The following CELSR1 variants were observed in gnomAD, a reference collection of about 807,000 sequenced individuals.
The protein encoded by CELSR1 is cadherin EGF LAG seven-pass G-type receptor 1.
Under a neutral mutation model 249.1 loss-of-function variants are expected in CELSR1, and 110 were observed. That is an observed-to-expected ratio of 0.44 (90% CI 0.38 to 0.52). The LOEUF (loss-of-function observed/expected upper bound fraction) is 0.52. CELSR1 is among the 20% of genes least tolerant of loss of function. CELSR1 has a pLI of 0.00. For synonymous variants in CELSR1, 2,113 were observed against 1,900.0 expected, an observed-to-expected ratio of 1.11 and a Z score of -2.92; for missense variants, 4,109 against 4,296.4, an observed-to-expected ratio of 0.96 and a Z score of 1.22.
chr22:46,364,388 C>T, intron 33 of CELSR1, 124 bp downstream of exon 33: 2 of 1,488,954 alleles, frequency 1.3e-6, no homozygotes, highest in Non-Finnish European at 1.8e-6. Flanking sequence ...GCCAGGAGGC[C>T]ACGTCTGTTC....
intron 32 of CELSR1, 67 bp downstream of exon 32, chr22:46,365,164 T>C (rs902450377): frequency 2.6e-6 from 4 of 1,545,270 alleles, no homozygotes; most frequent in Non-Finnish European, 3.5e-6. Flanking sequence ...GACCCAGCCA[T>C]AGCCAAGGCC....
Position 46,396,743 on chromosome 22 carries a change from T to C in CELSR1, c.5705A>G (p.Tyr1902Cys), listed in dbSNP as rs762806468. Residue 1902 changes from tyrosine (Y) to cysteine (C), a missense_variant, in exon 13 of 35, where the codon TAC (tyrosine) becomes TGC (cysteine). Physicochemically the swap from Tyr to Cys is radical, Grantham distance 194. Transcript: ENST00000674500. The surrounding 1 kb of genome is among the most constrained non-coding windows in gnomAD (Gnocchi z 6.4). Reference sequence around the variant, plus strand: ...GGCATCCACACAGTTTATTCCAAGGTACCCTGCAAGGACAGAGCCAGCATT... The same window carrying C: ...GGCATCCACACAGTTTATTCCAAGGCACCCTGCAAGGACAGAGCCAGCATT... Reference protein sequence around the residue: ...EDYSCVCDKGYLGINCVDACH... With the variant: ...EDYSCVCDKGCLGINCVDACH... The C allele has an allele frequency of 6.2e-7, 1 of 1,612,110 alleles. No homozygotes were observed. The highest frequency in any genetic ancestry group is 8.5e-7 in the Non-Finnish European group (1 of 1,179,170).
In CELSR1 at chr22:46,441,130, G is replaced by C. The variant is rs1308377338; in HGVS notation, c.4184-1719C>G. ...GTCACACTACCGCACTCCAGCCTAG[G>C]TGCCAGAGCGAGACTTCATTTCAAA... On this transcript the variant is annotated intron_variant, in intron 2 of 34. Transcript: ENST00000674500. The surrounding 1 kb of genome is among the most constrained non-coding windows in gnomAD (Gnocchi z 6.1). 6.7e-6 allele frequency among the ~76,000 whole-genome samples: 1 copy of C among 150,342 alleles called. No homozygotes were observed. The highest frequency in any genetic ancestry group is 1.5e-5 in the Non-Finnish European group (1 of 67,818).
intron 19 of CELSR1, 102 bp downstream of exon 19, chr22:46,386,300 G>A (rs1254224118): frequency 1.3e-5 from 17 of 1,277,242 alleles, no homozygotes; most frequent in Non-Finnish European, 1.7e-5. Flanking sequence ...GCATGGCCAA[G>A]GGGGGGCCGG....
Position 46,396,597 on chromosome 22 carries a change from G to T in CELSR1, c.5843+8C>A. 6.4e-7 allele frequency: 1 copy of T among 1,562,244 alleles called. No homozygotes were observed. The highest frequency in any genetic ancestry group is 8.7e-7 in the Non-Finnish European group (1 of 1,155,888). ...AAGGTGCAGGGAGGCACCAGGGGCT[G>T]CTCTTACTTGTTCTCACAGTACGGC... On this transcript the variant is annotated splice_region_variant and intron_variant, in intron 13 of 34. Transcript: ENST00000674500. This position sits in a 1 kb window ranked among gnomAD's most constrained non-coding sequence, Gnocchi z 6.4.
At position 46,367,709 on chromosome 22, in the gene CELSR1, G is replaced by T. The variant is rs1055578840; in HGVS notation, c.8079+20C>A. On this transcript the variant is annotated intron_variant, in intron 28 of 34. Coordinates refer to ENST00000674500, the MANE Select transcript of CELSR1 (RefSeq NM_001378328.1). Reference sequence around the variant, plus strand: ...CGGCGGCCAGGCAGGGGTCCCGCGGGCAACTCGGCCGTCACCTACCTGTAA... The same window carrying T: ...CGGCGGCCAGGCAGGGGTCCCGCGGTCAACTCGGCCGTCACCTACCTGTAA... 6.3e-7 allele frequency: 1 copy of T among 1,581,952 alleles called. No individual in the cohort carries two copies. The highest frequency in any genetic ancestry group is 1.2e-5 in the South Asian group (1 of 86,542).
chr22:46,456,467 G>A (rs1433987757), intron 2 of CELSR1, among the ~76,000 whole-genome samples: 2 of 152,018 alleles, frequency 1.3e-5, no homozygotes, highest in South Asian at 2.1e-4. Context: ...AGACCGTCAT[G>A]GTTAACAAGG....
At chr22:46,469,805 C>T (rs1040205883) in intron 1 of CELSR1, among the ~76,000 whole-genome samples, 8 of 150,148 alleles carry the variant, frequency 5.3e-5, no homozygotes, top group East Asian at 2.0e-4. Context: ...TGAACCACCG[C>T]ACCCGGCCTA....
At chr22:46,376,953 G>C in intron 24 of CELSR1, 108 bp downstream of exon 24, 1 of 1,068,762 alleles carries the variant, frequency 9.4e-7, no homozygotes. Context: ...CAGAGGTGGG[G>C]GTGGTGAGGA....
rs2079191251 is a variant in CELSR1 at position 46,399,786 on chromosome 22, C to T, written c.5343G>A (p.Leu1781=). The T allele has an allele frequency of 6.2e-7, 1 of 1,614,032 alleles. No individual in the cohort carries two copies. Among genetic ancestry groups the T allele is most frequent in the African/African-American group, 1.3e-5 (1 of 74,936 alleles). The change falls in exon 10 of 35, where the codon CTG becomes CTA. Residue 1781 remains leucine, a synonymous_variant. Coordinates refer to ENST00000674500, the MANE Select transcript of CELSR1 (RefSeq NM_001378328.1). The surrounding 1 kb of genome is among the most constrained non-coding windows in gnomAD (Gnocchi z 5.0). ...DGEWHHLLIE[L]KNVKEDSEMK... Reference sequence around the variant, plus strand: ...TCTCACTGTCCTCCTTAACATTCTTCAGCTCGATCAGCAGGTGGTGCCACT... The same window carrying T: ...TCTCACTGTCCTCCTTAACATTCTTTAGCTCGATCAGCAGGTGGTGCCACT...
Position 46,373,064 on chromosome 22 carries a change from A to C in CELSR1, c.7585-7T>G, listed in dbSNP as rs1239566136. The C allele has an allele frequency of 6.3e-7, 1 of 1,589,370 alleles. No homozygotes were observed. Among genetic ancestry groups the C allele is most frequent in the Non-Finnish European group, 8.6e-7 (1 of 1,165,570 alleles). On this transcript the variant is annotated splice_region_variant and splice_polypyrimidine_tract_variant and intron_variant, in intron 24 of 34. Transcript: ENST00000674500. ...CAACCACTGTGCACAGAAACTGCGC[A>C]GGGAGGGGCCGCTCAGCAAGGGCCC...
chr22:46,440,000 C>T (rs868868799), intron 2 of CELSR1, among the ~76,000 whole-genome samples: 2 of 152,184 alleles, frequency 1.3e-5, no homozygotes, highest in Middle Eastern at 6.8e-3. Flanking sequence ...TAATCTGGCC[C>T]GTCTCGCCCA....
intron 2 of CELSR1, 138 bp downstream of exon 2, chr22:46,463,569 T>C: frequency 1.2e-6 from 1 of 843,006 alleles, no homozygotes; most frequent in Non-Finnish European, 1.7e-6. Flanking sequence ...TCAAGGTTCG[T>C]GGAGCCCACA....
At chr22:46,375,171 C>A in intron 24 of CELSR1, among the ~76,000 whole-genome samples, 1 of 152,278 alleles carries the variant, frequency 6.6e-6, no homozygotes, top group African/African-American at 2.4e-5. Flanking sequence ...AAGGTTCCAG[C>A]CTGGTCTTTT....
chr22:46,495,152 A>G lies in CELSR1; in HGVS notation c.3545-30807T>C, dbSNP rs1310820574. Among the ~76,000 whole-genome samples the G allele has an allele frequency of 1.1e-4, 17 of 152,224 alleles. No individual in the cohort carries two copies. In the South Asian group the frequency reaches 3.5e-3, roughly 32 times the overall value. Reference sequence around the variant, plus strand: ...ACCCAGCTGGTACAGCCTACTGCACACCTAGACTGTAGTATAACTGACTGC... The same window carrying G: ...ACCCAGCTGGTACAGCCTACTGCACGCCTAGACTGTAGTATAACTGACTGC... On this transcript the variant is annotated intron_variant, in intron 1 of 34. Coordinates refer to ENST00000674500, the MANE Select transcript of CELSR1 (RefSeq NM_001378328.1).
intron 1 of CELSR1, among the ~76,000 whole-genome samples, chr22:46,492,686 GTGTAAGCAATCCCAGCT>G (rs1239674158): frequency 1.3e-5 from 2 of 152,156 alleles, no homozygotes; most frequent in East Asian, 3.9e-4. Flanking sequence ...TTAGCTGGGC[GTGTAAGCAATCCCAGCT>G]ACTTGGGAGG....
rs200562232 is a variant in CELSR1 at position 46,377,258 on chromosome 22, C to T, written c.7387G>A (p.Gly2463Arg). Residue 2463 changes from glycine to arginine, a missense_variant, in exon 24 of 35, where the codon GGG becomes AGG. Coordinates refer to ENST00000674500, the MANE Select transcript of CELSR1 (RefSeq NM_001378328.1). ...VLMDISRREN[G>R]EVLPLKIVTY... The stretch of plus-strand genomic sequence containing the variant: ...ACAATCTTCAGAGGCAGGACCTCCC[C>T]GTTCTATGGGCAGGAGGGTTAAAGG... 7.9e-5 allele frequency: 128 copies of T among 1,613,780 alleles called. No individual in the cohort carries two copies. The highest frequency in any genetic ancestry group is 9.9e-5 in the South Asian group (9 of 91,054).
At position 46,374,236 on chromosome 22, in the gene CELSR1, G is replaced by C. The variant is rs1184430759; in HGVS notation, c.7585-1179C>G. Among the ~76,000 whole-genome samples, 1 of 152,206 alleles carries C rather than the reference G, an allele frequency of 6.6e-6. No homozygotes were observed. On this transcript the variant is annotated intron_variant, in intron 24 of 34. Transcript: ENST00000674500. The surrounding 1 kb of genome is among the most constrained non-coding windows in gnomAD (Gnocchi z 4.3). Reference sequence around the variant, plus strand: ...GGAAATCACACTGGCTCAGGAAAAGGAAGGGGGTGAGAAGGTTGGTTGGCT... The same window carrying C: ...GGAAATCACACTGGCTCAGGAAAAGCAAGGGGGTGAGAAGGTTGGTTGGCT...
rs1443803338 is a variant in CELSR1 at position 46,484,323 on chromosome 22, C to T, written c.3545-19978G>A. Among the ~76,000 whole-genome samples, 5 of 152,194 alleles carry T rather than the reference C, an allele frequency of 3.3e-5. No homozygotes were observed. The highest frequency in any genetic ancestry group is 2.6e-4 in the Admixed American group (4 of 15,284). ...GGACAGAGTCCCTCCTTCCACCAGC[C>T]CAGCCCAGCCCATGGTGGCAGCTGC... On this transcript the variant is annotated intron_variant, in intron 1 of 34. Transcript: ENST00000674500. The surrounding 1 kb of genome is among the most constrained non-coding windows in gnomAD (Gnocchi z 4.5).
Sources: gnomAD v4.1 joint callset for allele counts (sites outside exome capture counted in the v4.1 genomes callset) on GRCh38, gnomAD v4.1.1 for gene constraint, Gnocchi (gnomAD v3.1) non-coding constraint, MANE v1.5 for transcripts, NCBI Gene and HGNC (gene_info 2026-07-23, HGNC 2026-07-21) for gene names.